Variants in ALK observed in about 807,000 individuals in gnomAD.
The protein encoded by ALK is ALK tyrosine kinase receptor.
Under a neutral mutation model 163.1 loss-of-function variants are expected in ALK, and 74 were observed. That is an observed-to-expected ratio of 0.45 (90% CI 0.38 to 0.55). ALK has a LOEUF of 0.55. Ranked by LOEUF, ALK falls within the 20% of genes least tolerant of loss-of-function variation. The pLI is 0.00. For missense variants in ALK, 2,063 were observed against 2,105.3 expected (o/e 0.98, Z 0.39); for synonymous variants, 960 against 843.2 (o/e 1.14, Z -2.40).
chr2:29,451,868 CG>C (rs1426953435), intron 4 of ALK, among the ~76,000 whole-genome samples: 6 of 152,132 alleles, frequency 3.9e-5, no homozygotes, highest in Non-Finnish European at 2.9e-5. Flanking sequence ...GTCCAGTGGA[CG>C]TTATTGCCAT....
intron 4 of ALK, among the ~76,000 whole-genome samples, chr2:29,386,813 C>T (rs778298711): frequency 6.6e-6 from 1 of 152,190 alleles, no homozygotes. Flanking sequence ...GAAGTTGGGA[C>T]TAGAAAAGGG....
At chr2:29,303,654 C>T (rs1033225299) in intron 8 of ALK, among the ~76,000 whole-genome samples, 3 of 152,066 alleles carry the variant, frequency 2.0e-5, no homozygotes, top group African/African-American at 4.8e-5. Context: ...AATGGTGCAT[C>T]GGATAAAGAA....
intron 3 of ALK, among the ~76,000 whole-genome samples, chr2:29,605,871 C>T (rs541279257): frequency 6.6e-6 from 1 of 152,282 alleles, no homozygotes; most frequent in African/African-American, 2.4e-5. Flanking sequence ...GCTGCCTCCC[C>T]ACCCCTCTGA....
chr2:29,622,434 A>G (rs1352584481), intron 3 of ALK, among the ~76,000 whole-genome samples: 2 of 152,118 alleles, frequency 1.3e-5, no homozygotes, highest in African/African-American at 2.4e-5. Flanking sequence ...AATCCATCAG[A>G]TCTCCTGAGA....
chr2:29,412,698 T>C (rs538046668), intron 4 of ALK, among the ~76,000 whole-genome samples: 1 of 152,352 alleles, frequency 6.6e-6, no homozygotes, highest in African/African-American at 2.4e-5. Context: ...TTTCATATTA[T>C]GTGATGAATA....
At chr2:29,215,683 T>C (rs6711746) in intron 23 of ALK, among the ~76,000 whole-genome samples, 39,890 of 120,044 alleles carry the variant, frequency 0.33, 6,677 homozygotes, top group East Asian at 0.77. Context: ...GAAGAGAGAG[T>C]GCCTGAAGGG....
chr2:29,612,310 T>G (rs1675717749), intron 3 of ALK, among the ~76,000 whole-genome samples: 1 of 152,068 alleles, frequency 6.6e-6, no homozygotes, highest in Non-Finnish European at 1.5e-5. Context: ...CTCCTGTGCT[T>G]TTAGCTGTGT....
intron 3 of ALK, among the ~76,000 whole-genome samples, chr2:29,585,325 C>T (rs1293715218): frequency 1.3e-5 from 2 of 149,910 alleles, no homozygotes; most frequent in African/African-American, 2.5e-5. Flanking sequence ...TTTCTGTCAG[C>T]TATTATTACT....
chr2:29,453,688 G>C (rs916605107), intron 4 of ALK, among the ~76,000 whole-genome samples: 1 of 152,084 alleles, frequency 6.6e-6, no homozygotes, highest in Admixed American at 6.5e-5. Flanking sequence ...AGGAAAGATG[G>C]AATAGGAGAA....
At chr2:29,782,384 G>T (rs1025346284) in intron 1 of ALK, among the ~76,000 whole-genome samples, 1 of 152,128 alleles carries the variant, frequency 6.6e-6, no homozygotes, top group African/African-American at 2.4e-5. Context: ...AAGCTGGTCA[G>T]CCCACTGGTG....
intron 4 of ALK, among the ~76,000 whole-genome samples, chr2:29,422,136 C>T (rs1203199048): frequency 2.0e-5 from 3 of 151,360 alleles, no homozygotes; most frequent in Non-Finnish European, 4.4e-5. Flanking sequence ...CTTTTTGGAG[C>T]TTGTAGGTAA....
At chr2:29,310,386 C>G (rs921635630) in intron 8 of ALK, among the ~76,000 whole-genome samples, 2 of 152,154 alleles carry the variant, frequency 1.3e-5, no homozygotes, top group Non-Finnish European at 2.9e-5. Context: ...AAACTACATC[C>G]TTAGTTGGCT....
chr2:29,259,158 A>G (rs1014845321), intron 11 of ALK, among the ~76,000 whole-genome samples: 2 of 152,168 alleles, frequency 1.3e-5, no homozygotes, highest in Non-Finnish European at 2.9e-5. Flanking sequence ...GTTGAATTAG[A>G]ATATATTGTA....
intron 1 of ALK, among the ~76,000 whole-genome samples, chr2:29,844,882 C>G (rs866274451): frequency 7.6e-6 from 1 of 131,984 alleles, no homozygotes; most frequent in Admixed American, 7.7e-5. Context: ...CACACACACA[C>G]ACACACAGAG....
At chr2:29,770,732 T>C (rs1449213278) in intron 1 of ALK, among the ~76,000 whole-genome samples, 1 of 151,350 alleles carries the variant, frequency 6.6e-6, no homozygotes, top group Non-Finnish European at 1.5e-5. Flanking sequence ...CAACAGAGGG[T>C]TATAAGATAA....
At chr2:29,511,158 AAGTGT>A (rs1243057024) in intron 4 of ALK, among the ~76,000 whole-genome samples, 1 of 152,138 alleles carries the variant, frequency 6.6e-6, no homozygotes, top group Non-Finnish European at 1.5e-5. Context: ...TATCCATTTA[AAGTGT>A]ACAGGTTGAT....
chr2:29,826,621 G>A (rs1187899180), intron 1 of ALK, among the ~76,000 whole-genome samples: 1 of 152,172 alleles, frequency 6.6e-6, no homozygotes, highest in Non-Finnish European at 1.5e-5. Context: ...TGTTCTTGGT[G>A]TGCAAGGAAT....
At chr2:29,696,255 A>G (rs975004533) in intron 2 of ALK, among the ~76,000 whole-genome samples, 1 of 152,120 alleles carries the variant, frequency 6.6e-6, no homozygotes, top group African/African-American at 2.4e-5. Context: ...GAAGCTGGAA[A>G]CCATCATTCT....
At chr2:29,696,668 C>T (rs1229631140) in intron 2 of ALK, among the ~76,000 whole-genome samples, 2 of 151,730 alleles carry the variant, frequency 1.3e-5, no homozygotes, top group Non-Finnish European at 2.9e-5. Flanking sequence ...ATTAGCGTAT[C>T]ATTATAATGC....
Sources: allele counts gnomAD v4.1 joint callset (sites outside exome capture counted in the v4.1 genomes callset), GRCh38; gene constraint gnomAD v4.1.1; transcripts MANE v1.5; gene names NCBI Gene and HGNC (gene_info 2026-07-23, HGNC 2026-07-21).